Variants in TEX11 observed in about 807,000 individuals in gnomAD.
TEX11 encodes the protein testis-expressed protein 11.
In TEX11, 7 loss-of-function variants were observed where a neutral mutation model predicts 84.4. The observed-to-expected ratio is 0.08, with a 90% CI of 0.05 to 0.16. The LOEUF is 0.16. Among genes scored for constraint, TEX11 ranks in the 10% least tolerant of loss-of-function variants. The pLI, the probability that TEX11 is intolerant of heterozygous loss-of-function variation, is 1.00. For missense variants in TEX11, 551 were observed against 660.5 expected (o/e 0.83, Z 1.82); for synonymous variants, 264 against 222.8 (o/e 1.18, Z -1.64).
intron 24 of TEX11, among the ~76,000 whole-genome samples, chrX:70,599,806 G>A (rs2147510720): frequency 9.3e-6 from 1 of 107,181 alleles, no homozygotes; most frequent in African/African-American, 3.4e-5. Flanking sequence ...TACTGAGAAT[G>A]ATGATTTCCA....
intron 4 of TEX11, among the ~76,000 whole-genome samples, chrX:70,864,909 A>T (rs1180780470): frequency 1.8e-5 from 2 of 111,003 alleles, no homozygotes; most frequent in Admixed American, 1.9e-4. Flanking sequence ...CTAAATATGG[A>T]AAGAAAAAAC....
intron 9 of TEX11, among the ~76,000 whole-genome samples, chrX:70,766,061 G>A (rs1293115121): frequency 1.8e-5 from 2 of 111,763 alleles, no homozygotes; most frequent in African/African-American, 6.5e-5. Context: ...AAACATCTAT[G>A]AATTAACCAA....
chrX:70,604,440 A>G lies in TEX11; in HGVS notation c.2067+961T>C, dbSNP rs780885778. Among the ~76,000 whole-genome samples, 11 of 111,086 alleles carry G rather than the reference A, an allele frequency of 9.9e-5. No individual in the cohort carries two copies. In the South Asian group the frequency reaches 4.2e-3, roughly 42 times the overall value. ...TAAAAGAGGGCCCCCTTTACTCCTC[A>G]GAGGCAAGGACTTTGGCTTCTTTAT... On this transcript the variant is annotated intron_variant, in intron 24 of 29. Transcript: ENST00000374333.
At chrX:70,644,868 C>G (rs1446680123) in intron 17 of TEX11, among the ~76,000 whole-genome samples, 1 of 103,462 alleles carries the variant, frequency 9.7e-6, no homozygotes, top group African/African-American at 3.5e-5. Flanking sequence ...CACATGTATA[C>G]ATATGTAACT....
intron 9 of TEX11, among the ~76,000 whole-genome samples, chrX:70,784,302 T>G (rs769854483): frequency 9.0e-6 from 1 of 111,357 alleles, no homozygotes; most frequent in East Asian, 2.8e-4. Flanking sequence ...AAACTCTCAA[T>G]AAACTAGGTA....
intron 13 of TEX11, among the ~76,000 whole-genome samples, chrX:70,712,963 C>A (rs759232105): frequency 2.7e-5 from 3 of 111,419 alleles, no homozygotes; most frequent in East Asian, 5.6e-4. Context: ...GAGATACATC[C>A]CATCAATACC....
At chrX:70,560,012 A>G (rs1325299644) in intron 25 of TEX11, among the ~76,000 whole-genome samples, 1 of 13,241 alleles carries the variant, frequency 7.6e-5, no homozygotes, top group Non-Finnish European at 1.7e-4. Context: ...CCTCATTAAC[A>G]CTTGATTTTT....
chrX:70,554,910 C>T, intron 25 of TEX11, 110 bp from the exon 26 acceptor site: 1 of 788,202 alleles, frequency 1.3e-6, no homozygotes, highest in African/African-American at 2.1e-5. Flanking sequence ...ATTAATTTTA[C>T]TTACAATTTG....
chrX:70,862,317 A>G (rs2091574591), intron 4 of TEX11, among the ~76,000 whole-genome samples: 1 of 112,153 alleles, frequency 8.9e-6, no homozygotes, highest in Non-Finnish European at 1.9e-5. Context: ...AACATATTCA[A>G]GTTTTAAAAA....
intron 9 of TEX11, among the ~76,000 whole-genome samples, chrX:70,787,260 A>G (rs1371661819): frequency 8.9e-6 from 1 of 112,594 alleles, no homozygotes; most frequent in African/African-American, 3.2e-5. Flanking sequence ...CACAGCTAAC[A>G]TTATACTCAA....
At chrX:70,710,394 T>C (rs1259404585) in intron 13 of TEX11, among the ~76,000 whole-genome samples, 1 of 111,686 alleles carries the variant, frequency 9.0e-6, no homozygotes, top group Non-Finnish European at 1.9e-5. Flanking sequence ...AGTAACTTAG[T>C]TGCCATAAAA....
At chrX:70,800,545 AAT>A (rs1166280057) in intron 9 of TEX11, among the ~76,000 whole-genome samples, 4 of 111,573 alleles carry the variant, frequency 3.6e-5, no homozygotes, top group Non-Finnish European at 7.5e-5. Flanking sequence ...ATTTAAATAC[AAT>A]ATTAACTTGG....
At chrX:70,902,645 T>A (rs1291027504) in intron 2 of TEX11, among the ~76,000 whole-genome samples, 1 of 110,380 alleles carries the variant, frequency 9.1e-6, no homozygotes, top group Non-Finnish European at 1.9e-5. Context: ...CCTCAACCTA[T>A]GGAGTAGCTG....
intron 9 of TEX11, among the ~76,000 whole-genome samples, chrX:70,774,671 C>A (rs1232121204): frequency 1.8e-5 from 2 of 110,954 alleles, no homozygotes; most frequent in East Asian, 5.6e-4. Context: ...AAGTTCTCTA[C>A]AAGTAGAACT....
At chrX:70,762,421 G>C (rs1287064849) in intron 9 of TEX11, among the ~76,000 whole-genome samples, 1 of 111,395 alleles carries the variant, frequency 9.0e-6, no homozygotes, top group East Asian at 2.8e-4. Context: ...GGGGGTCGAA[G>C]CTCCTAAAGC....
intron 22 of TEX11, 73 bp downstream of exon 22, chrX:70,609,018 C>T: frequency 1.2e-6 from 1 of 849,845 alleles, no homozygotes; most frequent in Non-Finnish European, 1.7e-6. Context: ...ATGAAAGATC[C>T]AGAATTTGAA....
intron 25 of TEX11, among the ~76,000 whole-genome samples, chrX:70,575,011 G>A (rs997872573): frequency 1.8e-5 from 2 of 111,476 alleles, no homozygotes; most frequent in African/African-American, 6.5e-5. Flanking sequence ...AGGTGGCGAG[G>A]AAGGTATCTA....
rs145512331 is a variant in TEX11, at chrX:70,650,478, C to T, written c.1483+972G>A. On this transcript the variant is annotated intron_variant, in intron 17 of 29. Transcript: ENST00000374333. ...GGCAAAAAAGCTTCAAGTTATTTTACCCTTAAACACAGTATATCAAGTAAA... is the reference window on the plus strand; with the variant it reads ...GGCAAAAAAGCTTCAAGTTATTTTATCCTTAAACACAGTATATCAAGTAAA... Among the ~76,000 whole-genome samples, 265 of 111,165 alleles carry T rather than the reference C, an allele frequency of 2.4e-3. 1 individual carries two copies. The highest frequency in any genetic ancestry group is 8.3e-3 in the African/African-American group (256 of 30,673).
At chrX:70,891,608 C>T (rs1183596468) in intron 2 of TEX11, among the ~76,000 whole-genome samples, 2 of 110,050 alleles carry the variant, frequency 1.8e-5, no homozygotes, top group African/African-American at 3.3e-5. Context: ...ATAGCCGATC[C>T]GATCAAGTAG....
Sources: allele counts gnomAD v4.1 joint callset (sites outside exome capture counted in the v4.1 genomes callset), GRCh38; gene constraint gnomAD v4.1.1; transcripts MANE v1.5; gene names NCBI Gene and HGNC (gene_info 2026-07-23, HGNC 2026-07-21).